The following XIAP variants were observed in gnomAD, a reference collection of about 807,000 sequenced individuals.
The protein encoded by XIAP is X-linked inhibitor of apoptosis.
A neutral mutation model predicts 33.1 loss-of-function variants in XIAP; 3 were observed. That is an observed-to-expected ratio of 0.09 (90% CI 0.04 to 0.23). The LOEUF (loss-of-function observed/expected upper bound fraction) is 0.23, where lower values mean the gene tolerates loss of function less well. Among genes scored for constraint, XIAP ranks in the 10% least tolerant of loss-of-function variants. The pLI is 1.00. For synonymous variants in XIAP, 98 were observed against 121.3 expected (o/e 0.81, Z 1.26); for missense variants, 264 against 363.0 (o/e 0.73, Z 2.22).
chrX:123,894,216 A>T (rs535911261), intron 5 of XIAP, among the ~76,000 whole-genome samples: 6 of 112,354 alleles, frequency 5.3e-5, no homozygotes, highest in African/African-American at 1.6e-4. Context: ...GAAAGATATT[A>T]TGCTAAGCAA....
rs1444185152 is a variant in XIAP at position 123,911,696 on chromosome X, C to T, written c.*4515C>T. 3.1e-6 allele frequency: 1 copy of T among 327,796 alleles called. No individual in the cohort carries two copies. The highest frequency in any genetic ancestry group is 5.9e-6 in the Non-Finnish European group (1 of 169,643). The allele number at this position is 327,796 out of a possible 1,213,427, so 27.0% of individuals were successfully genotyped here. A position where few individuals can be genotyped will look rare whatever the true frequency, so the allele number is the denominator to read the frequency against. On this transcript the variant is annotated 3_prime_UTR_variant, in exon 7 of 7. Transcript: ENST00000371199. ...CCATCTCTAAATAAATAGGTCAAAC[C>T]CTTAAAAATATTTAAATTCTTAAAA...
intron 1 of XIAP, among the ~76,000 whole-genome samples, chrX:123,883,895 T>G (rs1159715713): frequency 2.7e-5 from 3 of 111,905 alleles, no homozygotes; most frequent in Admixed American, 1.9e-4. Flanking sequence ...ATTTTTGTCA[T>G]CCAGTTTATT....
intron 6 of XIAP, among the ~76,000 whole-genome samples, chrX:123,903,557 G>A (rs192465173): frequency 2.5e-4 from 27 of 108,007 alleles, no homozygotes; most frequent in African/African-American, 7.1e-4. Context: ...GGATCACGCC[G>A]ATAGTTGGGA....
intron 1 of XIAP, among the ~76,000 whole-genome samples, chrX:123,882,094 A>G (rs2053309722): frequency 9.0e-6 from 1 of 111,220 alleles, no homozygotes; most frequent in Non-Finnish European, 1.9e-5. Flanking sequence ...AAAATTTAAC[A>G]CCTCAGGGAA....
intron 5 of XIAP, among the ~76,000 whole-genome samples, chrX:123,893,627 G>A (rs1170847892): frequency 1.8e-5 from 2 of 111,836 alleles, no homozygotes; most frequent in Non-Finnish European, 3.8e-5. Context: ...ACTTTGGGAG[G>A]CCGAGGAGCT....
chrX:123,869,702 C>T (rs2053176306), intron 1 of XIAP, among the ~76,000 whole-genome samples: 1 of 111,504 alleles, frequency 9.0e-6, no homozygotes, highest in Non-Finnish European at 1.9e-5. Flanking sequence ...TTCCTTAGAC[C>T]TATATTGGTC....
intron 1 of XIAP, among the ~76,000 whole-genome samples, chrX:123,864,182 T>G (rs6649099): frequency 0.38 from 42,025 of 109,366 alleles, 6,258 homozygotes; most frequent in African/African-American, 0.49. Context: ...ATTTACTAAT[T>G]TAGTAAATAA....
In XIAP at chrX:123,910,400, T is replaced by A; in HGVS notation, c.*3219T>A. 1 of 329,779 alleles carries A rather than the reference T, an allele frequency of 3.0e-6. No individual in the cohort carries two copies. The highest frequency in any genetic ancestry group is 5.9e-6 in the Non-Finnish European group (1 of 170,029). The allele number at this position is 329,779 out of a possible 1,213,427, so 27.2% of individuals were successfully genotyped here. On this transcript the variant is annotated 3_prime_UTR_variant, in exon 7 of 7. Coordinates refer to ENST00000371199, the MANE Select transcript of XIAP (RefSeq NM_001167.4). ...TGTTTCCATTTTAGTGGATAAAATT[T>A]GTATTTTGAACTATGAATGGAGACT...
intron 1 of XIAP, among the ~76,000 whole-genome samples, chrX:123,881,173 G>A (rs867217415): frequency 2.7e-5 from 3 of 111,018 alleles, no homozygotes; most frequent in Admixed American, 1.9e-4. Context: ...TACAAAGCCT[G>A]AAGATGCTTT....
intron 1 of XIAP, chrX:123,879,373 G>T (rs1307000988): frequency 1.0e-5 from 1 of 100,182 alleles, no homozygotes; most frequent in Non-Finnish European, 2.0e-5. Flanking sequence ...CTGGAGTGTG[G>T]TGGCACAATC....
At chrX:123,903,180 ATTT>A (rs56868819) in intron 6 of XIAP, among the ~76,000 whole-genome samples, 11,262 of 65,091 alleles carry the variant, frequency 0.17, 721 homozygotes, top group South Asian at 0.3. Context: ...TTATTTTATA[ATTT>A]TTTTTTTTTT....
chrX:123,880,559 A>G (rs183640046), intron 1 of XIAP, among the ~76,000 whole-genome samples: 3 of 108,376 alleles, frequency 2.8e-5, no homozygotes, highest in Non-Finnish European at 5.7e-5. Context: ...CAACATGTTG[A>G]AACCCCATCT....
At chrX:123,902,183 G>A (rs189443365) in intron 6 of XIAP, among the ~76,000 whole-genome samples, 2 of 111,992 alleles carry the variant, frequency 1.8e-5, no homozygotes, top group East Asian at 5.6e-4. Context: ...GGTTTAGCAG[G>A]TTGTAATAGG....
chrX:123,880,155 A>G lies in XIAP; in HGVS notation c.-32-5476A>G, dbSNP rs368542012. Among the ~76,000 whole-genome samples the G allele has an allele frequency of 1.4e-4, 14 of 96,996 alleles. No individual in the cohort carries two copies. In the East Asian group the frequency reaches 4.0e-3, roughly 27 times the overall value. The allele number at this position is 96,996 out of a possible 115,157, so 84.2% of individuals were successfully genotyped here. A position where few individuals can be genotyped will look rare whatever the true frequency, so the allele number is the denominator to read the frequency against. On this transcript the variant is annotated intron_variant, in intron 1 of 6. Coordinates refer to ENST00000371199, the MANE Select transcript of XIAP (RefSeq NM_001167.4). ...AGGCTGGGCGCGGTGGCTCATGCCTATAATCCCAGCACTTTGGGAGGCCGA... is the reference window on the plus strand; with the variant it reads ...AGGCTGGGCGCGGTGGCTCATGCCTGTAATCCCAGCACTTTGGGAGGCCGA...
intron 1 of XIAP, among the ~76,000 whole-genome samples, chrX:123,883,257 A>G (rs7883084): frequency 0.4 from 40,820 of 101,467 alleles, 6,049 homozygotes; most frequent in African/African-American, 0.5. Flanking sequence ...TAATTTTTGT[A>G]TTTTTAGTAG....
intron 1 of XIAP, among the ~76,000 whole-genome samples, chrX:123,873,439 G>T (rs2053213157): frequency 9.1e-6 from 1 of 109,636 alleles, no homozygotes; most frequent in African/African-American, 3.3e-5. Flanking sequence ...CTCCCAAAGT[G>T]CTGGGAATAC....
intron 5 of XIAP, among the ~76,000 whole-genome samples, chrX:123,893,160 A>T (rs1477735588): frequency 9.1e-6 from 1 of 109,521 alleles, no homozygotes; most frequent in Non-Finnish European, 1.9e-5. Flanking sequence ...TATGGGGTGG[A>T]AAGATAAGCA....
chrX:123,888,557 A>G (rs190607704), intron 2 of XIAP, 62 bp from the exon 3 acceptor site: 203 of 1,021,865 alleles, frequency 2.0e-4, no homozygotes, highest in Non-Finnish European at 2.5e-4. Context: ...TAGGTGTTAA[A>G]TGAATATTTT....
intron 5 of XIAP, among the ~76,000 whole-genome samples, chrX:123,898,790 G>A (rs2053483280): frequency 9.5e-6 from 1 of 105,351 alleles, no homozygotes; most frequent in Non-Finnish European, 1.9e-5. Context: ...ACTGCACCCA[G>A]CCTCCTCTCT....
Sources: gnomAD v4.1 joint callset for allele counts (sites outside exome capture counted in the v4.1 genomes callset) on GRCh38, gnomAD v4.1.1 for gene constraint, MANE v1.5 for transcripts, NCBI Gene and HGNC (gene_info 2026-07-23, HGNC 2026-07-21) for gene names.